The following DUSP22 variants were observed in gnomAD, a reference collection of about 807,000 sequenced individuals.
DUSP22 encodes the protein dual specificity protein phosphatase 22.
Under a neutral mutation model 24.5 loss-of-function variants are expected in DUSP22, and 24 were observed. The observed-to-expected ratio is 0.98, with a 90% confidence interval of 0.71 to 1.38. The LOEUF (loss-of-function observed/expected upper bound fraction) is 1.38. Among genes scored for constraint, DUSP22 ranks in the 40% most tolerant of loss-of-function variants. The probability of loss-of-function intolerance (pLI) is 0.00; values close to 1 mark genes in which losing one functional copy is unlikely to be tolerated. For synonymous variants in DUSP22, 160 were observed against 106.4 expected (o/e 1.50, Z -3.10); for missense variants, 330 against 269.2 (o/e 1.23, Z -1.58).
chr6:344,263 G>A (rs573999243), intron 4 of DUSP22, among the ~76,000 whole-genome samples: 248 of 151,144 alleles, frequency 1.6e-3, no homozygotes, highest in South Asian at 4.8e-3. Flanking sequence ...TAAGGCACGC[G>A]TCATCATTTA....
intron 4 of DUSP22, among the ~76,000 whole-genome samples, chr6:343,827 T>A (rs1290985477): frequency 6.6e-6 from 1 of 152,310 alleles, no homozygotes; most frequent in Non-Finnish European, 1.5e-5. Flanking sequence ...AGGCCGTGCC[T>A]GAATTTCTCA....
chr6:308,676 G>A (rs1020541343), intron 2 of DUSP22, among the ~76,000 whole-genome samples: 7 of 152,420 alleles, frequency 4.6e-5, no homozygotes, highest in South Asian at 2.1e-4. Context: ...GCATATTTAC[G>A]GGGTGAAGAA....
chr6:324,266 A>G lies in DUSP22; in HGVS notation c.139-10848A>G, dbSNP rs527339169. Among the ~76,000 whole-genome samples, 40 of 152,386 alleles carry G rather than the reference A, an allele frequency of 2.6e-4. No individual in the cohort carries two copies. The South Asian group carries it at 7.9e-3, about 30-fold the overall frequency. On this transcript the variant is annotated intron_variant, in intron 3 of 6. Coordinates refer to ENST00000419235, the MANE Select transcript of DUSP22 (RefSeq NM_001286555.3). Reference sequence around the variant, plus strand: ...GTGACCTAGGGCCTCCTTCTGTGCCATGCTAGCAGCGGCAGGCGTGGAGAG... The same window carrying G: ...GTGACCTAGGGCCTCCTTCTGTGCCGTGCTAGCAGCGGCAGGCGTGGAGAG...
intron 1 of DUSP22, among the ~76,000 whole-genome samples, chr6:299,797 C>T (rs1475032487): frequency 6.6e-6 from 1 of 152,306 alleles, no homozygotes; most frequent in Non-Finnish European, 1.5e-5. Flanking sequence ...TAGGCCCATG[C>T]CACAGGTGTG....
In DUSP22 at chr6:348,927, C is replaced by T. The variant is rs780293262; in HGVS notation, c.594C>T (p.Tyr198=). Residue 198 remains tyrosine (Y), a synonymous_variant, in exon 7 of 7, where the codon TAC becomes TAT. Coordinates refer to ENST00000419235, the MANE Select transcript of DUSP22 (RefSeq NM_001286555.3). The stretch of plus-strand genomic sequence containing the variant: ...TTCCGGCACTGGCTCCGCTGACCTA[C>T]GATAATTATACGACGGAGACCTAAC... The part of the protein sequence containing the change: ...SSFPALAPLT[Y]DNYTTET The T allele has an allele frequency of 3.7e-5, 60 of 1,609,774 alleles. No homozygotes were observed. Among genetic ancestry groups the T allele is most frequent in the Middle Eastern group, 1.6e-4 (1 of 6,070 alleles).
intron 4 of DUSP22, among the ~76,000 whole-genome samples, chr6:342,003 G>T (rs1375297655): frequency 1.3e-5 from 2 of 152,308 alleles, no homozygotes; most frequent in East Asian, 3.8e-4. Flanking sequence ...TGTGGTTGGG[G>T]ACGTGCAGAT....
rs6936405 is a variant in DUSP22, at chr6:351,257, C to T, written c.*2306C>T. The T allele has an allele frequency of 3.5e-5, 8 of 227,326 alleles. No homozygotes were observed. The highest frequency in any genetic ancestry group is 1.8e-4 in the African/African-American group (8 of 44,084). The allele number at this position is 227,326 out of a possible 1,614,324, so 14.1% of individuals were successfully genotyped here. A position where few individuals can be genotyped will look rare whatever the true frequency, so the allele number is the denominator to read the frequency against. ...TCAAATTCCCCAGCTTGGGAAATAGCCCTTGGTGTGGGTTTTATCTCTGGT... is the reference window on the plus strand; with the variant it reads ...TCAAATTCCCCAGCTTGGGAAATAGTCCTTGGTGTGGGTTTTATCTCTGGT... On this transcript the variant is annotated 3_prime_UTR_variant, in exon 7 of 7. Coordinates refer to ENST00000419235, the MANE Select transcript of DUSP22 (RefSeq NM_001286555.3).
At chr6:307,929 A>G (rs1246650223) in intron 2 of DUSP22, among the ~76,000 whole-genome samples, 1 of 152,304 alleles carries the variant, frequency 6.6e-6, no homozygotes, top group Admixed American at 6.5e-5. Flanking sequence ...CATGCTTAAC[A>G]GGTCAGCATA....
At chr6:308,745 T>C (rs1757937935) in intron 2 of DUSP22, among the ~76,000 whole-genome samples, 1 of 152,312 alleles carries the variant, frequency 6.6e-6, no homozygotes, top group Non-Finnish European at 1.5e-5. Context: ...ATGAAACCAT[T>C]GAATCATATA....
intron 1 of DUSP22, among the ~76,000 whole-genome samples, chr6:293,669 C>G (rs371757862): frequency 1.1e-3 from 160 of 152,334 alleles, no homozygotes; most frequent in African/African-American, 3.6e-3. Context: ...CAGGGAAAAC[C>G]TAGCTAACTT....
chr6:308,101 A>C (rs1434567448), intron 2 of DUSP22, among the ~76,000 whole-genome samples: 1 of 150,720 alleles, frequency 6.6e-6, no homozygotes, highest in South Asian at 2.1e-4. Flanking sequence ...TAGGGTGCAC[A>C]TGACCTTCTG....
In DUSP22 at chr6:323,870, G is replaced by A. The variant is rs202048746; in HGVS notation, c.139-11244G>A. 1.1e-3 allele frequency among the ~76,000 whole-genome samples: 164 copies of A among 152,378 alleles called. No homozygotes were observed. The East Asian group carries it at 0.027, about 25-fold the overall frequency. On this transcript the variant is annotated intron_variant, in intron 3 of 6. Coordinates refer to ENST00000419235, the MANE Select transcript of DUSP22 (RefSeq NM_001286555.3). The stretch of plus-strand genomic sequence containing the variant: ...TTTTATGAAATACCTTGTTCCAGGA[G>A]ATCAGCCCCGCAGCACCCAAGTGGA...
At chr6:305,853 A>T in intron 2 of DUSP22, among the ~76,000 whole-genome samples, 1 of 152,310 alleles carries the variant, frequency 6.6e-6, no homozygotes, top group Non-Finnish European at 1.5e-5. Flanking sequence ...AACAAGCCAG[A>T]ACATGGCCAC....
intron 1 of DUSP22, among the ~76,000 whole-genome samples, chr6:297,923 C>T (rs1245383317): frequency 1.3e-5 from 2 of 152,310 alleles, no homozygotes; most frequent in Admixed American, 6.5e-5. Flanking sequence ...TTATTGAACA[C>T]AGTCAAGACA....
intron 3 of DUSP22, among the ~76,000 whole-genome samples, chr6:330,521 G>C (rs539210942): frequency 2.0e-5 from 3 of 152,304 alleles, no homozygotes; most frequent in African/African-American, 7.2e-5. Flanking sequence ...TTTACCAGTC[G>C]TGAAATCAGA....
chr6:314,908 G>T (rs1179592655), intron 3 of DUSP22, among the ~76,000 whole-genome samples: 3 of 152,296 alleles, frequency 2.0e-5, no homozygotes, highest in Admixed American at 2.0e-4. Flanking sequence ...TGGGGGTTGG[G>T]GTTTCCCAAA....
In DUSP22 at chr6:349,945, G is replaced by C. The variant is rs1275213286; in HGVS notation, c.*994G>C. On this transcript the variant is annotated 3_prime_UTR_variant, in exon 7 of 7. Transcript: ENST00000419235. ...AGCCTCTCGCTGTCCTCACTTTGCA[G>C]GGGCTCCTCCTCAACATTTGCATGC... 1 of 985,708 alleles carries C rather than the reference G, an allele frequency of 1.0e-6. No individual in the cohort carries two copies. The highest frequency in any genetic ancestry group is 1.2e-6 in the Non-Finnish European group (1 of 830,106). 61.1% of individuals were successfully genotyped at this position (985,708 alleles called of 1,614,324 possible). A position where few individuals can be genotyped will look rare whatever the true frequency, so the allele number is the denominator to read the frequency against.
chr6:330,489 A>T (rs1759093122), intron 3 of DUSP22, among the ~76,000 whole-genome samples: 2 of 152,304 alleles, frequency 1.3e-5, no homozygotes, highest in African/African-American at 4.8e-5. Context: ...TGCTTGAAAC[A>T]AGCGAGAGTT....
chr6:332,643 TC>T (rs1234202093), intron 3 of DUSP22, among the ~76,000 whole-genome samples: 4 of 84,034 alleles, frequency 4.8e-5, no homozygotes, highest in Non-Finnish European at 7.3e-5. Context: ...TTCCTGTCCT[TC>T]TTTTTTTTTT....
Sources: gnomAD v4.1 joint callset for allele counts (sites outside exome capture counted in the v4.1 genomes callset) on GRCh38, gnomAD v4.1.1 for gene constraint, MANE v1.5 for transcripts, NCBI Gene and HGNC (gene_info 2026-07-23, HGNC 2026-07-21) for gene names.